Variants in MTUS2 observed in about 807,000 individuals in gnomAD.
MTUS2 encodes the protein microtubule-associated tumor suppressor candidate 2.
A neutral mutation model predicts 114.1 loss-of-function variants in MTUS2; 40 were observed. The ratio of observed to expected loss-of-function variants is 0.35; its 90% confidence interval spans 0.27 to 0.46. The LOEUF (loss-of-function observed/expected upper bound fraction) is 0.46. Ranked by LOEUF, MTUS2 falls within the 20% of genes least tolerant of loss-of-function variation. MTUS2 has a pLI of 1.00. For synonymous variants in MTUS2, 688 were observed against 672.0 expected (o/e 1.02, Z -0.37); for missense variants, 1,679 against 1,705.4 (o/e 0.98, Z 0.27).
At chr13:29,111,302 A>G (rs1291857365) in intron 5 of MTUS2, among the ~76,000 whole-genome samples, 1 of 152,226 alleles carries the variant, frequency 6.6e-6, no homozygotes, top group Non-Finnish European at 1.5e-5. Context: ...ATTTTAGAAC[A>G]ATAACAGAGA....
chr13:29,026,114 C>G lies in MTUS2; in HGVS notation c.1416C>G (p.Phe472Leu), dbSNP rs1886530394. The G allele has an allele frequency of 6.2e-7, 1 of 1,613,838 alleles. No homozygotes were observed. The highest frequency in any genetic ancestry group is 8.5e-7 in the Non-Finnish European group (1 of 1,179,890). ...GNKDSVMVLV[F>L]NPSVGENKTE... The stretch of plus-strand genomic sequence containing the variant: ...AGGACAGTGTTATGGTTTTGGTGTT[C>G]AATCCTTCTGTTGGAGAGAACAAGA... The change falls in exon 3 of 16, where the codon TTC becomes TTG. Residue 472 changes from phenylalanine to leucine, a missense_variant. Around this residue, in one of 3 missense-constraint regions of MTUS2, gnomAD observed 843 missense variants for 770.8 expected, o/e 1.09. Coordinates refer to ENST00000612955, the MANE Select transcript of MTUS2 (RefSeq NM_001033602.4).
chr13:28,919,550 C>G (rs912729879), intron 2 of MTUS2, among the ~76,000 whole-genome samples: 1 of 151,708 alleles, frequency 6.6e-6, no homozygotes, highest in African/African-American at 2.4e-5. Context: ...TGAGGTAGTC[C>G]TCTTTGGATT....
At chr13:29,467,028 C>T (rs951583567) in intron 9 of MTUS2, among the ~76,000 whole-genome samples, 8 of 151,820 alleles carry the variant, frequency 5.3e-5, no homozygotes, top group African/African-American at 1.9e-4. Flanking sequence ...ATCTAGCAGC[C>T]ATTTGGTCTC....
intron 8 of MTUS2, among the ~76,000 whole-genome samples, chr13:29,415,397 A>G (rs1875593847): frequency 6.6e-6 from 1 of 152,224 alleles, no homozygotes; most frequent in African/African-American, 2.4e-5. Flanking sequence ...TTTTTGGAGC[A>G]TAAATATTTA....
Position 29,025,696 on chromosome 13 carries a change from G to C in MTUS2, c.998G>C (p.Gly333Ala). 6.2e-7 allele frequency: 1 copy of C among 1,613,974 alleles called. No individual in the cohort carries two copies. Among genetic ancestry groups the C allele is most frequent in the Non-Finnish European group, 8.5e-7 (1 of 1,179,884 alleles). Residue 333 changes from glycine to alanine, a missense_variant, in exon 3 of 16, where the codon GGA (glycine) becomes GCA (alanine). Physicochemically the swap from Gly to Ala is moderately conservative, Grantham distance 60 (BLOSUM62 0). Coordinates refer to ENST00000612955, the MANE Select transcript of MTUS2 (RefSeq NM_001033602.4). ...AAGGCAGCCCAGGAAGGGTATCTGG[G>C]ATGCCACAAGGAAGAGAATCTGTCA... ...EGKAAQEGYL[G>A]CHKEENLSAL...
chr13:29,242,868 T>G (rs1271475919), intron 5 of MTUS2, among the ~76,000 whole-genome samples: 2 of 1,836 alleles, frequency 1.1e-3, no homozygotes, highest in South Asian at 0.5. Context: ...GATAGTACCA[T>G]TTGTCATCTT....
intron 9 of MTUS2, among the ~76,000 whole-genome samples, chr13:29,446,591 A>C (rs1878297669): frequency 1.3e-5 from 2 of 152,202 alleles, no homozygotes; most frequent in South Asian, 4.1e-4. Context: ...AGTGTTTGCA[A>C]ATTACTTTTT....
intron 9 of MTUS2, among the ~76,000 whole-genome samples, chr13:29,470,730 A>C (rs1163873591): frequency 6.6e-6 from 1 of 152,148 alleles, no homozygotes; most frequent in East Asian, 1.9e-4. Context: ...ATAAGTCCCT[A>C]CCTTCCTCTG....
intron 5 of MTUS2, among the ~76,000 whole-genome samples, chr13:29,154,398 C>G (rs1435683363): frequency 6.6e-6 from 1 of 152,048 alleles, no homozygotes; most frequent in Non-Finnish European, 1.5e-5. Flanking sequence ...CATTGTCTTC[C>G]TGGAAATATA....
chr13:28,922,645 G>T lies in MTUS2; in HGVS notation c.-243+82795G>T, dbSNP rs570097943. Among the ~76,000 whole-genome samples, 96 of 152,214 alleles carry T rather than the reference G, an allele frequency of 6.3e-4. 1 individual carries two copies. The South Asian group carries it at 0.02, about 31-fold the overall frequency. Reference sequence around the variant, plus strand: ...CAGTTTAATGTCCCCCAGTCATTGCGCTCTCCCTCTCCCAGGTGCGTAGAT... The same window carrying T: ...CAGTTTAATGTCCCCCAGTCATTGCTCTCTCCCTCTCCCAGGTGCGTAGAT... On this transcript the variant is annotated intron_variant, in intron 2 of 15. Transcript: ENST00000612955.
chr13:29,033,781 T>C, intron 3 of MTUS2, 104 bp from the exon 4 acceptor site: 1 of 1,392,420 alleles, frequency 7.2e-7, no homozygotes, highest in East Asian at 2.4e-5. Context: ...AGCAGCTAAG[T>C]GGTACCAGAG....
intron 8 of MTUS2, among the ~76,000 whole-genome samples, chr13:29,378,115 TGGG>T (rs946487150): frequency 3.9e-5 from 6 of 152,112 alleles, no homozygotes; most frequent in Non-Finnish European, 8.8e-5. Flanking sequence ...AGGTTAGAGA[TGGG>T]GGAGTGTGTG....
intron 2 of MTUS2, among the ~76,000 whole-genome samples, chr13:28,968,523 TAAGGAATC>T (rs1305064475): frequency 2.0e-5 from 3 of 152,326 alleles, no homozygotes; most frequent in South Asian, 2.1e-4. Context: ...CTTGATTTAA[TAAGGAATC>T]TAAAGTTCCT....
chr13:29,233,579 T>C (rs1182296505), intron 5 of MTUS2, among the ~76,000 whole-genome samples: 2 of 152,244 alleles, frequency 1.3e-5, no homozygotes, highest in African/African-American at 4.8e-5. Flanking sequence ...AATAACAAGC[T>C]AAAATTCAGA....
chr13:28,852,948 A>ATAC (rs769943870), intron 2 of MTUS2, among the ~76,000 whole-genome samples: 2 of 9,184 alleles, frequency 2.2e-4, no homozygotes, highest in Non-Finnish European at 7.5e-4. Flanking sequence ...CTCTGTCTTA[A>ATAC]ATACATACAT....
At chr13:29,068,741 G>T (rs1190750235) in intron 4 of MTUS2, among the ~76,000 whole-genome samples, 1 of 152,144 alleles carries the variant, frequency 6.6e-6, no homozygotes, top group African/African-American at 2.4e-5. Flanking sequence ...GGGTGCTTCA[G>T]ACAGAGGGAA....
chr13:28,866,265 A>G (rs1025774583), intron 2 of MTUS2, among the ~76,000 whole-genome samples: 3 of 152,142 alleles, frequency 2.0e-5, no homozygotes, highest in Non-Finnish European at 2.9e-5. Flanking sequence ...CTGTGAGCTT[A>G]AATGTCAGTT....
chr13:29,349,707 A>T (rs547295961), intron 7 of MTUS2, among the ~76,000 whole-genome samples: 46 of 152,110 alleles, frequency 3.0e-4, no homozygotes, highest in African/African-American at 1.0e-3. Context: ...TCCAGCTTGA[A>T]TGGTTTCTAG....
intron 9 of MTUS2, among the ~76,000 whole-genome samples, chr13:29,451,699 C>T (rs1878695563): frequency 6.6e-6 from 1 of 152,076 alleles, no homozygotes; most frequent in Admixed American, 6.6e-5. Flanking sequence ...ATTCTCCTGC[C>T]TCAGCCTCCC....
Sources: allele counts gnomAD v4.1 joint callset (sites outside exome capture counted in the v4.1 genomes callset), GRCh38; gene constraint gnomAD v4.1.1; regional missense constraint gnomAD v4.1.1; transcripts MANE v1.5; gene names NCBI Gene and HGNC (gene_info 2026-07-23, HGNC 2026-07-21).